CFLAR: variants seen among roughly 807,000 people sequenced by gnomAD.
CFLAR encodes the protein CASP8 and FADD-like apoptosis regulator.
In CFLAR, 14 loss-of-function variants were observed where a neutral mutation model predicts 51.1. The observed-to-expected ratio is 0.27, with a 90% CI of 0.18 to 0.43. The LOEUF (loss-of-function observed/expected upper bound fraction) is 0.43, where lower values mean the gene tolerates loss of function less well. Ranked by LOEUF, CFLAR falls within the 20% of genes least tolerant of loss-of-function variation. The pLI is 1.00. For missense variants in CFLAR, 390 were observed against 566.5 expected (o/e 0.69, Z 3.16); for synonymous variants, 210 against 211.6 (o/e 0.99, Z 0.06).
chr2:201,163,985 G>T lies in CFLAR; in HGVS notation c.*12G>T, dbSNP rs1045712604. The T allele has an allele frequency of 2.5e-6, 4 of 1,609,406 alleles. No individual in the cohort carries two copies. The highest frequency in any genetic ancestry group is 2.7e-5 in the African/African-American group (2 of 74,722). The stretch of plus-strand genomic sequence containing the variant: ...TCTCCTACACATAAGAAACCAAAAG[G>T]CTGGGCGTAGTGGCTCACACCTGTA... On this transcript the variant is annotated 3_prime_UTR_variant, in exon 10 of 10. Coordinates refer to ENST00000309955, the MANE Select transcript of CFLAR (RefSeq NM_003879.7).
chr2:201,171,105 A>T lies in CFLAR; in HGVS notation c.*7132A>T, dbSNP rs1250790335. The T allele has an allele frequency of 6.6e-6, 1 of 152,166 alleles. No homozygotes were observed. Among genetic ancestry groups the T allele is most frequent in the Admixed American group, 6.5e-5 (1 of 15,268 alleles). The allele number at this position is 152,166 out of a possible 1,614,324, so 9.4% of individuals were successfully genotyped here. On this transcript the variant is annotated 3_prime_UTR_variant, in exon 10 of 10. Coordinates refer to ENST00000309955, the MANE Select transcript of CFLAR (RefSeq NM_003879.7). ...CATAAGTGGGAGATAAGCTATGAGG[A>T]TGCAAAGGCATAAGAAGGATACAAT...
In CFLAR at chr2:201,130,133, G is replaced by A. The variant is rs1317081556; in HGVS notation, c.268G>A (p.Val90Ile). ...ETHLLRNPHLVSDYRVLMAEI... is the reference protein window; with the variant it reads ...ETHLLRNPHLISDYRVLMAEI... ...CCACCTGCTCAGGAACCCTCACCTT[G>A]TTTCGGACTATAGGTAATTCATCAA... is the stretch of plus-strand genomic sequence containing the variant. Residue 90 changes from valine to isoleucine, a missense_variant, in exon 2 of 10, where the codon GTT (valine) becomes ATT (isoleucine). Val to Ile is a conservative substitution (Grantham distance 29, BLOSUM62 3). Coordinates refer to ENST00000309955, the MANE Select transcript of CFLAR (RefSeq NM_003879.7). The A allele has an allele frequency of 1.6e-6, 2 of 1,277,648 alleles. No individual in the cohort carries two copies. The highest frequency in any genetic ancestry group is 1.8e-5 in the African/African-American group (1 of 55,838). 79.1% of individuals were successfully genotyped at this position (1,277,648 alleles called of 1,614,324 possible).
At position 201,170,781 on chromosome 2, in the gene CFLAR, T is replaced by TTA. The variant is rs1160780355; in HGVS notation, c.*6809_*6810dup. Reference sequence around the variant, plus strand: ...ATTCCATTTTGAAGTCTGCTTTTTTTTACACAAAAATATGTTGTGAATATT... The same window carrying TTA: ...ATTCCATTTTGAAGTCTGCTTTTTTTTATACACAAAAATATGTTGTGAATATT... On this transcript the variant is annotated 3_prime_UTR_variant, in exon 10 of 10. Transcript: ENST00000309955. The TTA allele has an allele frequency of 5.3e-5, 8 of 152,378 alleles. No individual in the cohort carries two copies. The highest frequency in any genetic ancestry group is 1.9e-4 in the African/African-American group (8 of 41,588). The allele number at this position is 152,378 out of a possible 1,614,324, so 9.4% of individuals were successfully genotyped here.
chr2:201,127,175 G>A lies in CFLAR; in HGVS notation c.-137-2554G>A, dbSNP rs564422351. On this transcript the variant is annotated intron_variant, in intron 1 of 9. Transcript: ENST00000309955. ...AATGAAGCTAATGGTATCTTGATCAGTCAGGAGGATTGGGTATTTGAAAGC... is the reference window on the plus strand; with the variant it reads ...AATGAAGCTAATGGTATCTTGATCAATCAGGAGGATTGGGTATTTGAAAGC... Among the ~76,000 whole-genome samples, 3 of 152,204 alleles carry A rather than the reference G, an allele frequency of 2.0e-5. No homozygotes were observed. In the East Asian group the frequency reaches 5.8e-4, roughly 29 times the overall value.
At chr2:201,146,603 T>C (rs1389549289) in intron 6 of CFLAR, 1 of 152,268 alleles carries the variant, frequency 6.6e-6, no homozygotes, top group African/African-American at 2.4e-5. Context: ...CTTTTGCTTG[T>C]CTTGAGTCCT....
At chr2:201,159,657 TAAG>T (rs1236872204) in intron 8 of CFLAR, among the ~76,000 whole-genome samples, 1 of 152,238 alleles carries the variant, frequency 6.6e-6, no homozygotes, top group Non-Finnish European at 1.5e-5. Context: ...AGGAGAAAAG[TAAG>T]AAGCCTTTTC....
Position 201,138,567 on chromosome 2 carries a change from T to A in CFLAR, c.524-1790T>A. Reference sequence around the variant, plus strand: ...GGTGTGGTCCTTCTCAGCAAGAAAGTCGATGTCTCGGGAGGTGACGATGCC... The same window carrying A: ...GGTGTGGTCCTTCTCAGCAAGAAAGACGATGTCTCGGGAGGTGACGATGCC... On this transcript the variant is annotated intron_variant, in intron 4 of 9. Coordinates refer to ENST00000309955, the MANE Select transcript of CFLAR (RefSeq NM_003879.7). The surrounding 1 kb of genome is among the most constrained non-coding windows in gnomAD (Gnocchi z 4.0). 6.3e-7 allele frequency: 1 copy of A among 1,595,982 alleles called. No individual in the cohort carries two copies.
intron 6 of CFLAR, chr2:201,146,824 A>G (rs1940286188): frequency 6.6e-6 from 1 of 152,264 alleles, no homozygotes; most frequent in African/African-American, 2.4e-5. Flanking sequence ...GTCCCCTTAC[A>G]GATATCTTAC....
At chr2:201,148,949 G>T in intron 6 of CFLAR, 54 bp from the exon 7 acceptor site, 5 of 1,209,440 alleles carry the variant, frequency 4.1e-6, no homozygotes, top group Non-Finnish European at 6.2e-6. Context: ...CAGTGTAGGG[G>T]TGGACTTAGC....
intron 8 of CFLAR, chr2:201,150,504 GA>G (rs879621699): frequency 6.7e-5 from 10 of 148,212 alleles, no homozygotes; most frequent in African/African-American, 1.7e-4. Context: ...CTCAAAAAAA[GA>G]AAAAAAAAAT....
At position 201,118,499 on chromosome 2, in the gene CFLAR, C is replaced by T. The variant is rs142376992; in HGVS notation, c.-138+2018C>T. ...GGCGCAGCGGCTGTCCCCACTCAGT[C>T]CTGGTGGGGTCGCACGTAACGGTCC... On this transcript the variant is annotated intron_variant, in intron 1 of 9. Coordinates refer to ENST00000309955, the MANE Select transcript of CFLAR (RefSeq NM_003879.7). This position sits in a 1 kb window ranked among gnomAD's most constrained non-coding sequence, Gnocchi z 5.1. 1 of 152,210 alleles carries T rather than the reference C, an allele frequency of 6.6e-6. No individual in the cohort carries two copies. Among genetic ancestry groups the T allele is most frequent in the Non-Finnish European group, 1.5e-5 (1 of 68,072 alleles). 9.4% of individuals were successfully genotyped at this position (152,210 alleles called of 1,614,324 possible). A position where few individuals can be genotyped will look rare whatever the true frequency, so the allele number is the denominator to read the frequency against.
At chr2:201,132,787 TGTTA>T (rs1466567316) in intron 2 of CFLAR, 1 of 374,686 alleles carries the variant, frequency 2.7e-6, no homozygotes. Flanking sequence ...TTTCAGAAAC[TGTTA>T]GTTGGCAAAG....
intron 9 of CFLAR, chr2:201,162,893 C>T (rs1007408960): frequency 3.2e-6 from 2 of 626,318 alleles, no homozygotes; most frequent in African/African-American, 1.8e-5. Context: ...GCTTAATTTA[C>T]TTGATCAATC....
rs2048539904 is a variant in CFLAR, at chr2:201,124,958, C to T, written c.-137-4771C>T. On this transcript the variant is annotated intron_variant, in intron 1 of 9. Transcript: ENST00000309955. The surrounding 1 kb of genome is among the most constrained non-coding windows in gnomAD (Gnocchi z 4.7). Reference sequence around the variant, plus strand: ...TTTTTGGATGTGGCAACCAGGAGGTCACCAGGGCCTCAACAAGAGCTGTGT... The same window carrying T: ...TTTTTGGATGTGGCAACCAGGAGGTTACCAGGGCCTCAACAAGAGCTGTGT... Among the ~76,000 whole-genome samples the T allele has an allele frequency of 6.6e-6, 1 of 152,110 alleles. No individual in the cohort carries two copies. Among genetic ancestry groups the T allele is most frequent in the African/African-American group, 2.4e-5 (1 of 41,410 alleles).
In CFLAR at chr2:201,132,430, A is replaced by AAATAT. The variant is rs34318341; in HGVS notation, c.282-598_282-597insATATA. On this transcript the variant is annotated intron_variant, in intron 2 of 9. Transcript: ENST00000309955. ...AAAGTCTATTTCCTAGGGGGGGAAA[A>AAATAT]ATATATATATATATATATATATATA... Among the ~76,000 whole-genome samples, 963 of 137,924 alleles carry AAATAT rather than the reference A, an allele frequency of 7.0e-3. 4 individuals carry two copies. Among genetic ancestry groups the AAATAT allele is most frequent in the African/African-American group, 0.015 (556 of 36,342 alleles). The allele number at this position is 137,924 out of a possible 152,430, so 90.5% of individuals were successfully genotyped here. A position where few individuals can be genotyped will look rare whatever the true frequency, so the allele number is the denominator to read the frequency against.
At chr2:201,140,070 C>T in intron 4 of CFLAR, 1 of 145,494 alleles carries the variant, frequency 6.9e-6, no homozygotes, top group Non-Finnish European at 1.3e-5. Flanking sequence ...GCTGCAGCTG[C>T]TGCGACGCGG....
At position 201,162,782 on chromosome 2, in the gene CFLAR, T is replaced by C. The variant is rs977503571; in HGVS notation, c.1305-1053T>C. The C allele has an allele frequency of 9.0e-6, 4 of 446,848 alleles. No homozygotes were observed. The East Asian group carries it at 1.3e-4, about 14-fold the overall frequency. The allele number at this position is 446,848 out of a possible 1,614,324, so 27.7% of individuals were successfully genotyped here. Reference sequence around the variant, plus strand: ...CTGCCATCACTTTATAACCTGCTTTTAGTTTGTTTAACAGTAGATCACAAA... The same window carrying C: ...CTGCCATCACTTTATAACCTGCTTTCAGTTTGTTTAACAGTAGATCACAAA... On this transcript the variant is annotated intron_variant, in intron 9 of 9. Coordinates refer to ENST00000309955, the MANE Select transcript of CFLAR (RefSeq NM_003879.7).
At chr2:201,136,179 A>G (rs769945610) in intron 4 of CFLAR, 72 bp downstream of exon 4, 1 of 1,612,158 alleles carries the variant, frequency 6.2e-7, no homozygotes, top group East Asian at 2.2e-5. Flanking sequence ...TGACTGATAA[A>G]TATTCATTTG....
chr2:201,148,872 C>G (rs576335037), intron 6 of CFLAR, 131 bp from the exon 7 acceptor site: 2 of 654,134 alleles, frequency 3.1e-6, no homozygotes, highest in Non-Finnish European at 5.5e-6. Flanking sequence ...CCAAGTATAG[C>G]TGGGGAAAGA....
Sources: gnomAD v4.1 joint callset for allele counts (sites outside exome capture counted in the v4.1 genomes callset) on GRCh38, gnomAD v4.1.1 for gene constraint, Gnocchi (gnomAD v3.1) non-coding constraint, MANE v1.5 for transcripts, NCBI Gene and HGNC (gene_info 2026-07-23, HGNC 2026-07-21) for gene names.